SCN2A: variants seen among roughly 807,000 people sequenced by gnomAD.
The protein encoded by SCN2A is sodium channel protein type 2 subunit alpha.
A neutral mutation model predicts 188.7 loss-of-function variants in SCN2A; 20 were observed. The ratio of observed to expected loss-of-function variants is 0.11; its 90% CI spans 0.07 to 0.15. The LOEUF is 0.15. Among genes scored for constraint, SCN2A ranks in the 10% least tolerant of loss-of-function variants. SCN2A has a pLI of 1.00. For missense variants in SCN2A, 1,278 were observed against 2,445.0 expected (o/e 0.52, Z 10.07); for synonymous variants, 804 against 833.1 (o/e 0.97, Z 0.60).
At chr2:165,320,870 C>T (rs11674103) in intron 11 of SCN2A, among the ~76,000 whole-genome samples, 1 of 151,984 alleles carries the variant, frequency 6.6e-6, no homozygotes, top group East Asian at 1.9e-4. Flanking sequence ...CTGACATGCC[C>T]TGGAGACATT....
intron 16 of SCN2A, among the ~76,000 whole-genome samples, chr2:165,345,729 G>A (rs1699548494): frequency 6.6e-6 from 1 of 152,098 alleles, no homozygotes; most frequent in Non-Finnish European, 1.5e-5. Context: ...ATATTGTTAT[G>A]TGTGAATTTG....
intron 23 of SCN2A, among the ~76,000 whole-genome samples, chr2:165,379,982 A>T (rs1199089847): frequency 6.6e-6 from 1 of 151,844 alleles, no homozygotes; most frequent in African/African-American, 2.4e-5. Flanking sequence ...AAAGCAATAG[A>T]TTCATTTTCA....
intron 4 of SCN2A, 134 bp from the exon 5 acceptor site, chr2:165,308,532 C>A: frequency 1.3e-6 from 1 of 779,260 alleles, no homozygotes; most frequent in Non-Finnish European, 2.1e-6. Flanking sequence ...ACTTAAGCCC[C>A]ACCTAAACTC....
At chr2:165,363,597 C>T (rs868506669) in intron 17 of SCN2A, among the ~76,000 whole-genome samples, 1 of 152,000 alleles carries the variant, frequency 6.6e-6, no homozygotes, top group Non-Finnish European at 1.5e-5. Flanking sequence ...CATAGTTATA[C>T]TTATCTCAGA....
intron 23 of SCN2A, among the ~76,000 whole-genome samples, chr2:165,378,184 C>T (rs1701409778): frequency 6.8e-6 from 1 of 146,128 alleles, no homozygotes; most frequent in Admixed American, 6.9e-5. Flanking sequence ...ATTAATTTCT[C>T]ACTATTTAAT....
At chr2:165,301,185 G>T (rs1696789525) in intron 3 of SCN2A, among the ~76,000 whole-genome samples, 1 of 152,128 alleles carries the variant, frequency 6.6e-6, no homozygotes, top group Admixed American at 6.5e-5. Context: ...GTAAGATCAA[G>T]ATCTTGGTTT....
intron 11 of SCN2A, among the ~76,000 whole-genome samples, chr2:165,320,585 A>T (rs763803598): frequency 6.6e-6 from 1 of 152,210 alleles, no homozygotes; most frequent in Non-Finnish European, 1.5e-5. Context: ...ACATCCTCTG[A>T]AATCTAGGCA....
chr2:165,260,448 A>G (rs191836062), intron 1 of SCN2A, among the ~76,000 whole-genome samples: 2 of 152,298 alleles, frequency 1.3e-5, no homozygotes, highest in Non-Finnish European at 2.9e-5. Flanking sequence ...TCAGTAAACC[A>G]TGCTGTAAAC....
intron 1 of SCN2A, among the ~76,000 whole-genome samples, chr2:165,291,478 C>CTT (rs1311398792): frequency 4.2e-5 from 2 of 47,606 alleles, no homozygotes; most frequent in African/African-American, 1.5e-4. Flanking sequence ...TTCTTTCTTT[C>CTT]TTTCTTTCTT....
At chr2:165,263,063 G>A (rs1386458742) in intron 1 of SCN2A, among the ~76,000 whole-genome samples, 1 of 132,484 alleles carries the variant, frequency 7.5e-6, no homozygotes, top group Non-Finnish European at 1.6e-5. Flanking sequence ...GTCTATTCAC[G>A]TCCTTAGCCC....
At chr2:165,378,308 T>C (rs1316517697) in intron 23 of SCN2A, among the ~76,000 whole-genome samples, 3 of 150,052 alleles carry the variant, frequency 2.0e-5, no homozygotes, top group Non-Finnish European at 4.5e-5. Flanking sequence ...GCTAGCTTTC[T>C]GAGTGAAGAA....
chr2:165,239,642 T>A lies in SCN2A; in HGVS notation c.-52+2T>A. The A allele has an allele frequency of 1.0e-6, 1 of 981,782 alleles. No homozygotes were observed. The highest frequency in any genetic ancestry group is 1.2e-6 in the Non-Finnish European group (1 of 826,604). 60.8% of individuals were successfully genotyped at this position (981,782 alleles called of 1,614,324 possible). A position where few individuals can be genotyped will look rare whatever the true frequency, so the allele number is the denominator to read the frequency against. On this transcript the variant is annotated splice_donor_variant, in intron 1 of 26. Coordinates refer to ENST00000375437, the MANE Select transcript of SCN2A (RefSeq NM_001040142.2). LOFTEE classifies it low-confidence loss of function (5UTR_SPLICE). ...GATTTACATTTTTCTTTATTTCAGG[T>A]AAGCCAGCATGATTCTATTTTTGAC... is the stretch of plus-strand genomic sequence containing the variant.
chr2:165,246,976 T>C (rs982856267), intron 1 of SCN2A, among the ~76,000 whole-genome samples: 73 of 152,118 alleles, frequency 4.8e-4, no homozygotes, highest in African/African-American at 1.7e-3. Flanking sequence ...AGTGAGAAAA[T>C]TGAAACAATC....
At chr2:165,275,609 A>T (rs1037316749) in intron 1 of SCN2A, among the ~76,000 whole-genome samples, 1 of 152,222 alleles carries the variant, frequency 6.6e-6, no homozygotes, top group African/African-American at 2.4e-5. Context: ...CTGAAAGATT[A>T]GGTTTATTGT....
At chr2:165,291,641 G>C (rs1304774308) in intron 1 of SCN2A, among the ~76,000 whole-genome samples, 1 of 142,184 alleles carries the variant, frequency 7.0e-6, no homozygotes, top group Non-Finnish European at 1.5e-5. Flanking sequence ...CTGGAGTGCA[G>C]TGGTGTGATC....
chr2:165,277,114 ATGTAATGCCTGG>A (rs1188641655), intron 1 of SCN2A, among the ~76,000 whole-genome samples: 1 of 152,222 alleles, frequency 6.6e-6, no homozygotes, highest in African/African-American at 2.4e-5. Context: ...GTAAAAGATA[ATGTAATGCCTGG>A]TGTTTTTTTA....
chr2:165,241,401 C>A (rs1417367429), intron 1 of SCN2A, among the ~76,000 whole-genome samples: 3 of 152,108 alleles, frequency 2.0e-5, no homozygotes. Context: ...TCCCTCCTAC[C>A]TAATAGAAAA....
rs548056312 is a variant in SCN2A at position 165,323,423 on chromosome 2, G to T, written c.1939G>T (p.Ala647Ser). The change falls in exon 12 of 27, where the codon GCT becomes TCT. Residue 647 changes from alanine (A) to serine (S), a missense_variant. Physicochemically the swap from Ala to Ser is moderately conservative, Grantham distance 99. Around this residue, in one of 17 missense-constraint regions of SCN2A, gnomAD observed 315 missense variants for 386.6 expected, o/e 0.81. Transcript: ENST00000375437. Reference protein sequence around the residue: ...ILPMNGKMHSAVDCNGVVSLV... With the variant: ...ILPMNGKMHSSVDCNGVVSLV... ...GCCCATGAATGGGAAGATGCATAGCGCTGTGGACTGCAATGGTGTGGTCTC... is the reference window on the plus strand; with the variant it reads ...GCCCATGAATGGGAAGATGCATAGCTCTGTGGACTGCAATGGTGTGGTCTC... 6.2e-7 allele frequency: 1 copy of T among 1,614,046 alleles called. No individual in the cohort carries two copies. Among genetic ancestry groups the T allele is most frequent in the Non-Finnish European group, 8.5e-7 (1 of 1,179,938 alleles).
chr2:165,354,469 A>G lies in SCN2A; in HGVS notation c.3197A>G (p.Asn1066Ser). 6.2e-7 allele frequency: 1 copy of G among 1,614,130 alleles called. No homozygotes were observed. Residue 1066 changes from asparagine to serine, a missense_variant, in exon 17 of 27, where the codon AAT (asparagine) becomes AGT (serine). Asn to Ser is a conservative substitution (Grantham distance 46, BLOSUM62 1). Around this residue, in one of 17 missense-constraint regions of SCN2A, gnomAD observed 228 missense variants for 297.3 expected, o/e 0.77. Transcript: ENST00000375437. Reference protein sequence around the residue: ...HTTIEIGKDLNYLKDGNGTTS... With the variant: ...HTTIEIGKDLSYLKDGNGTTS... ...ACCATAGAAATAGGCAAAGACCTCA[A>G]TTATCTCAAAGACGGAAATGGAACT...
Sources: allele counts gnomAD v4.1 joint callset (sites outside exome capture counted in the v4.1 genomes callset), GRCh38; gene constraint gnomAD v4.1.1; regional missense constraint gnomAD v4.1.1; transcripts MANE v1.5; gene names NCBI Gene and HGNC (gene_info 2026-07-23, HGNC 2026-07-21).